Variants in STRBP observed in about 807,000 individuals in gnomAD.
The protein encoded by STRBP is spermatid perinuclear RNA binding protein.
Under a neutral mutation model 80.1 loss-of-function variants are expected in STRBP, and 13 were observed. The observed-to-expected ratio is 0.16, with a 90% CI of 0.11 to 0.26. The LOEUF (loss-of-function observed/expected upper bound fraction) is 0.26, where lower values mean the gene tolerates loss of function less well. Ranked by LOEUF, STRBP falls within the 10% of genes least tolerant of loss-of-function variation. The probability of loss-of-function intolerance (pLI) is 1.00; values close to 1 mark genes in which losing one functional copy is unlikely to be tolerated. For synonymous variants in STRBP, 284 were observed against 291.2 expected (o/e 0.98, Z 0.25); for missense variants, 485 against 815.2 (o/e 0.59, Z 4.93).
At chr9:123,185,731 A>T (rs1239909195) in intron 2 of STRBP, among the ~76,000 whole-genome samples, 1 of 152,188 alleles carries the variant, frequency 6.6e-6, no homozygotes, top group Non-Finnish European at 1.5e-5. Flanking sequence ...TGAATCCAGC[A>T]GCCAAAAACG....
At position 123,179,218 on chromosome 9, in the gene STRBP, G is replaced by T. The variant is rs2038349805; in HGVS notation, c.13C>A (p.Arg5=). Residue 5 remains arginine, a synonymous_variant, in exon 4 of 19, where the codon CGA becomes AGA. Coordinates refer to ENST00000348403, the MANE Select transcript of STRBP (RefSeq NM_018387.5). MRSI[R]SFANDDRHVM... is the part of the protein sequence containing the mutation. ...TGGCGATCATCATTAGCAAAAGATC[G>T]AATAGATCTCTGTTAGAAGGAGAAC... The T allele has an allele frequency of 6.2e-7, 1 of 1,604,214 alleles. No homozygotes were observed. Among genetic ancestry groups the T allele is most frequent in the Non-Finnish European group, 8.5e-7 (1 of 1,171,934 alleles).
chr9:123,214,112 G>T (rs1481470589), intron 2 of STRBP, among the ~76,000 whole-genome samples: 1 of 149,062 alleles, frequency 6.7e-6, no homozygotes, highest in African/African-American at 2.5e-5. Flanking sequence ...ATCAATGAGT[G>T]GATAAAGTGT....
intron 5 of STRBP, among the ~76,000 whole-genome samples, chr9:123,171,018 T>C (rs981201661): frequency 2.6e-5 from 4 of 152,126 alleles, no homozygotes; most frequent in African/African-American, 7.2e-5. Flanking sequence ...CTCATTATCC[T>C]ACTTTTGAAT....
At position 123,121,948 on chromosome 9, in the gene STRBP, TACACACACAC is replaced by T. The variant is rs55960341; in HGVS notation, c.*3639_*3648del. 7 of 154,536 alleles carry T rather than the reference TACACACACAC, an allele frequency of 4.5e-5. No homozygotes were observed. Among genetic ancestry groups the T allele is most frequent in the South Asian group, 2.0e-4 (1 of 5,076 alleles). The allele number at this position is 154,536 out of a possible 1,614,324, so 9.6% of individuals were successfully genotyped here. On this transcript the variant is annotated 3_prime_UTR_variant, in exon 19 of 19. Coordinates refer to ENST00000348403, the MANE Select transcript of STRBP (RefSeq NM_018387.5). ...ACATACGTGTTATATCCTAAGTTTCTACACACACACACACACACACACACACTTAGTGTAA... is the reference window on the plus strand; with the variant it reads ...ACATACGTGTTATATCCTAAGTTTCTACACACACACACACACTTAGTGTAA...
At chr9:123,213,959 A>T (rs1474139114) in intron 2 of STRBP, 2 of 151,870 alleles carry the variant, frequency 1.3e-5, no homozygotes, top group African/African-American at 4.8e-5. Flanking sequence ...AAGTAGAACT[A>T]CCGTTTGATC....
chr9:123,258,800 C>CAA (rs56654612), intron 1 of STRBP, among the ~76,000 whole-genome samples: 11 of 101,108 alleles, frequency 1.1e-4, no homozygotes, highest in Non-Finnish European at 1.8e-4. Flanking sequence ...GACTCCGTCT[C>CAA]AAAAAAAAAA....
At chr9:123,191,868 G>T (rs1429391277) in intron 2 of STRBP, among the ~76,000 whole-genome samples, 1 of 152,106 alleles carries the variant, frequency 6.6e-6, no homozygotes, top group African/African-American at 2.4e-5. Context: ...AGCACAGAAT[G>T]ACAACATCTA....
At chr9:123,147,613 G>A (rs909830000) in intron 12 of STRBP, among the ~76,000 whole-genome samples, 165 bp downstream of exon 12, 3 of 145,136 alleles carry the variant, frequency 2.1e-5, no homozygotes, top group Admixed American at 1.4e-4. Context: ...AGGAGGTGGA[G>A]ACTGCAGTGA....
At chr9:123,145,457 T>G (rs893911353) in intron 13 of STRBP, among the ~76,000 whole-genome samples, 3 of 152,118 alleles carry the variant, frequency 2.0e-5, no homozygotes, top group African/African-American at 7.2e-5. Flanking sequence ...GCCACTAGCT[T>G]ATGTTAAAGG....
At chr9:123,220,437 AAGTAC>A (rs1378156758) in intron 2 of STRBP, among the ~76,000 whole-genome samples, 1 of 152,248 alleles carries the variant, frequency 6.6e-6, no homozygotes, top group East Asian at 1.9e-4. Flanking sequence ...CACACAGAAA[AAGTAC>A]AGTAAAAATA....
chr9:123,219,097 C>CG (rs2039991325), intron 2 of STRBP, among the ~76,000 whole-genome samples: 1 of 115,008 alleles, frequency 8.7e-6, no homozygotes, highest in African/African-American at 8.1e-5. Context: ...CTGTATCACC[C>CG]CGTCCCTAAA....
In STRBP at chr9:123,110,724, C is replaced by T. The variant is rs770715358; in HGVS notation, c.*85-971G>A. On this transcript the variant is annotated intron_variant and NMD_transcript_variant, in intron 3 of 3. Coordinates refer to the STRBP transcript ENST00000471564. The surrounding 1 kb of genome is among the most constrained non-coding windows in gnomAD (Gnocchi z 4.1). ...AGAGAGCCAGAGCTACCCTTGGTTC[C>T]TGGGAGATGGAGAGAGCGAGGCCCT... 2.4e-5 allele frequency: 4 copies of T among 169,170 alleles called. No individual in the cohort carries two copies. The highest frequency in any genetic ancestry group is 7.2e-5 in the African/African-American group (3 of 41,516). The allele number at this position is 169,170 out of a possible 1,614,324, so 10.5% of individuals were successfully genotyped here. A position where few individuals can be genotyped will look rare whatever the true frequency, so the allele number is the denominator to read the frequency against.
At chr9:123,192,644 A>G (rs924434484) in intron 2 of STRBP, among the ~76,000 whole-genome samples, 3 of 152,166 alleles carry the variant, frequency 2.0e-5, no homozygotes, top group African/African-American at 7.2e-5. Flanking sequence ...TCTTGTTTTA[A>G]TCCTTGTTTT....
rs1588439401 is a variant in STRBP, at chr9:123,122,731, G to A, written c.*2866C>T. On this transcript the variant is annotated 3_prime_UTR_variant, in exon 19 of 19. Transcript: ENST00000348403. The stretch of plus-strand genomic sequence containing the variant: ...GTGCAGAGGATATGGCTTCAAGGAG[G>A]ACCCCTATCTCTGAGAAATTATAGT... The A allele has an allele frequency of 3.0e-6, 3 of 994,654 alleles. No homozygotes were observed. The highest frequency in any genetic ancestry group is 4.5e-5 in the South Asian group (1 of 22,076). 61.6% of individuals were successfully genotyped at this position (994,654 alleles called of 1,614,324 possible).
intron 1 of STRBP, among the ~76,000 whole-genome samples, chr9:123,250,833 C>G (rs1487376302): frequency 6.6e-6 from 1 of 152,164 alleles, no homozygotes; most frequent in Non-Finnish European, 1.5e-5. Context: ...TAAAGGAAAG[C>G]AGGGCTGGCT....
intron 1 of STRBP, among the ~76,000 whole-genome samples, chr9:123,247,287 G>C (rs1409695973): frequency 6.6e-6 from 1 of 151,168 alleles, no homozygotes; most frequent in African/African-American, 2.4e-5. Context: ...TCTTTTTTTT[G>C]AGACGGAGTT....
intron 2 of STRBP, among the ~76,000 whole-genome samples, chr9:123,208,290 T>C (rs148118858): frequency 5.9e-5 from 9 of 152,240 alleles, no homozygotes; most frequent in Non-Finnish European, 1.0e-4. Flanking sequence ...TAATTTTAAC[T>C]CCAGTAATAC....
chr9:123,157,876 C>G, intron 11 of STRBP, 136 bp downstream of exon 11: 1 of 683,062 alleles, frequency 1.5e-6, no homozygotes, highest in Non-Finnish European at 2.6e-6. Flanking sequence ...CAACCTATAT[C>G]AGTCAGGAAG....
At chr9:123,205,417 A>G (rs2039478850) in intron 2 of STRBP, among the ~76,000 whole-genome samples, 1 of 152,242 alleles carries the variant, frequency 6.6e-6, no homozygotes, top group Non-Finnish European at 1.5e-5. Context: ...ACCACAGAGC[A>G]TGGCAAAACA....
Sources: allele counts gnomAD v4.1 joint callset (sites outside exome capture counted in the v4.1 genomes callset), GRCh38; gene constraint gnomAD v4.1.1; non-coding constraint Gnocchi (gnomAD v3.1); transcripts MANE v1.5; gene names NCBI Gene and HGNC (gene_info 2026-07-23, HGNC 2026-07-21).